CTNNA2: variants seen among roughly 807,000 people sequenced by gnomAD.
CTNNA2 encodes the protein catenin alpha-2.
A neutral mutation model predicts 101.0 loss-of-function variants in CTNNA2; 42 were observed. That is an observed-to-expected ratio of 0.42 (90% CI 0.32 to 0.54). CTNNA2 has a LOEUF of 0.54. Ranked by LOEUF, CTNNA2 falls within the 20% of genes least tolerant of loss-of-function variation. CTNNA2 has a pLI of 0.14. For synonymous variants in CTNNA2, 450 were observed against 456.4 expected (o/e 0.99, Z 0.18); for missense variants, 871 against 1,223.1 (o/e 0.71, Z 4.29).
chr2:80,234,971 T>C (rs1709466697), intron 7 of CTNNA2, among the ~76,000 whole-genome samples: 1 of 152,152 alleles, frequency 6.6e-6, no homozygotes. Flanking sequence ...AGAAAGGTGA[T>C]TGCTGATTTG....
At chr2:79,605,506 T>C (rs1031031452) in intron 1 of CTNNA2, among the ~76,000 whole-genome samples, 2 of 138,982 alleles carry the variant, frequency 1.4e-5, no homozygotes, top group Non-Finnish European at 3.4e-5. Context: ...TATAATCTTA[T>C]AGTTCAAGAT....
rs1438515429 is a variant in CTNNA2 at position 80,642,350 on chromosome 2, ACT to A, written c.2575-5234_2575-5233del. On this transcript the variant is annotated intron_variant, in intron 18 of 18. Transcript: ENST00000402739. The stretch of plus-strand genomic sequence containing the variant: ...TTAGCATCTCGCATCCTACTAAAAC[ACT>A]GTCATACAGTGTTAAAACCTTTAGT... 3.9e-5 allele frequency among the ~76,000 whole-genome samples: 6 copies of A among 152,104 alleles called. No individual in the cohort carries two copies. The East Asian group carries it at 1.2e-3, about 29-fold the overall frequency.
At chr2:79,941,264 G>T (rs1421502631) in intron 7 of CTNNA2, among the ~76,000 whole-genome samples, 1 of 152,134 alleles carries the variant, frequency 6.6e-6, no homozygotes, top group Non-Finnish European at 1.5e-5. Flanking sequence ...TTTCAATGTG[G>T]TCTTATACTC....
intron 7 of CTNNA2, among the ~76,000 whole-genome samples, chr2:79,927,574 T>C (rs1687108954): frequency 6.6e-6 from 1 of 152,212 alleles, no homozygotes; most frequent in Non-Finnish European, 1.5e-5. Context: ...CCTTTCTCTT[T>C]TCATGAGATG....
chr2:79,353,833 C>T (rs1221795555), intron 3 of CTNNA2, among the ~76,000 whole-genome samples: 1 of 152,120 alleles, frequency 6.6e-6, no homozygotes, highest in Admixed American at 6.5e-5. Context: ...TTTAGCACTC[C>T]CTTAAGGACC....
At chr2:79,535,130 C>A (rs2103956160) in intron 1 of CTNNA2, among the ~76,000 whole-genome samples, 1 of 152,214 alleles carries the variant, frequency 6.6e-6, no homozygotes, top group African/African-American at 2.4e-5. Context: ...AAATCTTAAT[C>A]TGTTTAATAG....
At chr2:79,557,970 C>T (rs574786217) in intron 1 of CTNNA2, among the ~76,000 whole-genome samples, 3 of 152,008 alleles carry the variant, frequency 2.0e-5, no homozygotes, top group East Asian at 3.9e-4. Flanking sequence ...AAATATAATG[C>T]ATATTTCACA....
upstream of CTNNA2, among the ~76,000 whole-genome samples, chr2:79,510,205 T>C (rs767524659): frequency 1.3e-5 from 2 of 152,226 alleles, no homozygotes; most frequent in South Asian, 4.1e-4. Flanking sequence ...TATGTTGGCA[T>C]AAATTTTTAA....
At chr2:80,017,496 A>ATG (rs1694240499) in intron 7 of CTNNA2, among the ~76,000 whole-genome samples, 1 of 151,782 alleles carries the variant, frequency 6.6e-6, no homozygotes, top group African/African-American at 2.4e-5. Context: ...ATATGTATAT[A>ATG]TGTGTATATA....
chr2:80,222,223 T>A (rs994599022), intron 7 of CTNNA2, among the ~76,000 whole-genome samples: 1 of 152,168 alleles, frequency 6.6e-6, no homozygotes, highest in Non-Finnish European at 1.5e-5. Context: ...CTATATTTTT[T>A]AAATTACTTT....
chr2:79,925,414 G>T (rs957786575), intron 7 of CTNNA2, among the ~76,000 whole-genome samples: 3 of 151,998 alleles, frequency 2.0e-5, no homozygotes, highest in African/African-American at 4.8e-5. Flanking sequence ...TTAAATTCAG[G>T]ACAACCATTA....
intron 7 of CTNNA2, among the ~76,000 whole-genome samples, chr2:80,125,530 A>G (rs1418323277): frequency 2.0e-5 from 3 of 152,218 alleles, no homozygotes; most frequent in Non-Finnish European, 2.9e-5. Context: ...CAAGGAAGGC[A>G]TCTCTAAGGC....
At chr2:80,445,203 A>C (rs193294899) in intron 9 of CTNNA2, among the ~76,000 whole-genome samples, 1 of 151,562 alleles carries the variant, frequency 6.6e-6, no homozygotes, top group African/African-American at 2.4e-5. Context: ...TTTTTTTGAG[A>C]CAGAGTGCTG....
At position 80,293,126 on chromosome 2, in the gene CTNNA2, G is replaced by A. The variant is rs11677664; in HGVS notation, c.1057-100085G>A. 2.9e-3 allele frequency among the ~76,000 whole-genome samples: 447 copies of A among 152,344 alleles called. 1 individual carries two copies. The highest frequency in any genetic ancestry group is 5.2e-3 in the Non-Finnish European group (351 of 68,030). ...GCAATCACTATGGAGCAGAGACAGT[G>A]AGGCAAAATAACAGAGTGAGTGGTT... On this transcript the variant is annotated intron_variant, in intron 7 of 18. Transcript: ENST00000402739.
intron 1 of CTNNA2, among the ~76,000 whole-genome samples, chr2:79,533,800 A>G (rs1279752280): frequency 6.6e-6 from 1 of 152,068 alleles, no homozygotes; most frequent in Non-Finnish European, 1.5e-5. Context: ...AAACAGGCAA[A>G]CAAATAGCCC....
At chr2:79,208,156 T>C (rs13408575) in intron 2 of CTNNA2, among the ~76,000 whole-genome samples, 13,857 of 152,180 alleles carry the variant, frequency 0.091, 674 homozygotes, top group Middle Eastern at 0.18. Context: ...TTTCCTTTTC[T>C]TTAAAATGCC....
intron 7 of CTNNA2, among the ~76,000 whole-genome samples, chr2:80,349,452 G>T (rs924035190): frequency 1.3e-5 from 2 of 152,092 alleles, no homozygotes; most frequent in African/African-American, 4.8e-5. Flanking sequence ...AGCCAAAAAG[G>T]AGATCCTGGT....
chr2:80,016,409 G>A (rs1362613522), intron 7 of CTNNA2, among the ~76,000 whole-genome samples: 7 of 152,130 alleles, frequency 4.6e-5, no homozygotes, highest in African/African-American at 1.7e-4. Flanking sequence ...CTATGGAGAC[G>A]AGGAGAATAG....
chr2:80,545,823 A>C (rs543384330), intron 10 of CTNNA2, 84 bp from the exon 11 acceptor site: 15 of 1,418,108 alleles, frequency 1.1e-5, no homozygotes, highest in Admixed American at 1.9e-5. Context: ...TACAGGGTGC[A>C]TGGTTTTAAC....
Sources: gnomAD v4.1 joint callset for allele counts (sites outside exome capture counted in the v4.1 genomes callset) on GRCh38, gnomAD v4.1.1 for gene constraint, MANE v1.5 for transcripts, NCBI Gene and HGNC (gene_info 2026-07-23, HGNC 2026-07-21) for gene names.